Variants in RNF213 observed in about 807,000 individuals in gnomAD.
The protein encoded by RNF213 is ring finger protein 213.
A neutral mutation model predicts 514.4 loss-of-function variants in RNF213; 341 were observed. The observed-to-expected ratio is 0.66, with a 90% CI of 0.61 to 0.73. The LOEUF is 0.73. Among genes scored for constraint, RNF213 ranks in the 30% least tolerant of loss-of-function variants. The pLI is 0.00. For synonymous variants in RNF213, 2,655 were observed against 2,658.2 expected (o/e 1.00, Z 0.04); for missense variants, 5,767 against 6,615.6 (o/e 0.87, Z 4.45).
At chr17:80,368,450 T>TTTTTA (rs2079370433) in intron 44 of RNF213, among the ~76,000 whole-genome samples, 1 of 151,230 alleles carries the variant, frequency 6.6e-6, no homozygotes, top group African/African-American at 2.4e-5. Flanking sequence ...TTTTTTTTTT[T>TTTTTA]GAGACAGTGT....
chr17:80,272,606 C>T (rs974050901), intron 2 of RNF213, among the ~76,000 whole-genome samples: 3 of 152,310 alleles, frequency 2.0e-5, no homozygotes, highest in East Asian at 1.9e-4. Context: ...CAGACCTCCC[C>T]GCAGCCCTGC....
At chr17:80,352,706 G>A (rs1487349092) in intron 32 of RNF213, 4 of 663,738 alleles carry the variant, frequency 6.0e-6, no homozygotes, top group Admixed American at 2.1e-5. Context: ...GCCATTGCAG[G>A]TCTTACCGTT....
At chr17:80,290,415 GT>G (rs1568019133) in intron 6 of RNF213, among the ~76,000 whole-genome samples, 154 bp from the exon 7 acceptor site, 3 of 90,152 alleles carry the variant, frequency 3.3e-5, no homozygotes, top group Non-Finnish European at 6.9e-5. Context: ...GTGTGTGTGC[GT>G]GTGTGCGAGT....
At chr17:80,336,020 C>T (rs2077978814) in intron 22 of RNF213, 141 bp from the exon 23 acceptor site, 1 of 647,922 alleles carries the variant, frequency 1.5e-6, no homozygotes, top group Non-Finnish European at 2.6e-6. Flanking sequence ...GTTCCGGACT[C>T]TTACTGAAAG....
chr17:80,340,541 A>G, intron 26 of RNF213, 185 bp downstream of exon 26: 1 of 604,140 alleles, frequency 1.7e-6, no homozygotes, highest in Non-Finnish European at 2.9e-6. Flanking sequence ...GGTCTCCCAC[A>G]ATGGGTATTC....
intron 29 of RNF213, 117 bp from the exon 30 acceptor site, chr17:80,349,653 T>G (rs1335917631): frequency 1.1e-5 from 13 of 1,141,360 alleles, no homozygotes; most frequent in Non-Finnish European, 1.7e-5. Context: ...TGTGCCGTTG[T>G]GTGGCAACTG....
At chr17:80,266,221 C>T (rs527239020) in intron 2 of RNF213, among the ~76,000 whole-genome samples, 3 of 150,728 alleles carry the variant, frequency 2.0e-5, no homozygotes, top group Admixed American at 2.0e-4. Flanking sequence ...GTGAGTAGAT[C>T]GCTTGAGCCC....
chr17:80,276,085 A>G (rs572450404), intron 3 of RNF213, among the ~76,000 whole-genome samples: 6 of 144,442 alleles, frequency 4.2e-5, no homozygotes, highest in Admixed American at 2.1e-4. Flanking sequence ...TTATTTATTT[A>G]TTTTTTGTTT....
In RNF213 at chr17:80,346,642, G is replaced by A. The variant is rs1171369315; in HGVS notation, c.8307G>A (p.Gly2769=). The A allele has an allele frequency of 1.2e-6, 2 of 1,612,422 alleles. No homozygotes were observed. Among genetic ancestry groups the A allele is most frequent in the Non-Finnish European group, 8.5e-7 (1 of 1,180,022 alleles). The change falls in exon 29 of 68, where the codon GGG becomes GGA. Residue 2769 remains glycine (G), a synonymous_variant. Coordinates refer to ENST00000582970, the MANE Select transcript of RNF213 (RefSeq NM_001256071.3). This position sits in a 1 kb window ranked among gnomAD's most constrained non-coding sequence, Gnocchi z 8.1. ...TGAAGATTCCCCTCTTCCTGGTGGG[G>A]AAGCCCGGCAGCTCCAAGTCTCTCG... The part of the protein sequence containing the change: ...IELKIPLFLV[G]KPGSSKSLAK...
intron 64 of RNF213, 36 bp from the exon 65 acceptor site, chr17:80,389,136 GC>G: frequency 6.2e-7 from 1 of 1,602,110 alleles, no homozygotes; most frequent in Non-Finnish European, 8.6e-7. Context: ...CAGAAACCCA[GC>G]CCACAGACAT....
rs376634963 is a variant in RNF213, at chr17:80,323,836, G to GCA, written c.3025-1194_3025-1193insCA. 2.9e-3 allele frequency among the ~76,000 whole-genome samples: 270 copies of GCA among 91,934 alleles called. 5 individuals are homozygous for GCA. The highest frequency in any genetic ancestry group is 3.2e-4 in the Non-Finnish European group (11 of 34,260). 60.3% of individuals were successfully genotyped at this position (91,934 alleles called of 152,430 possible). A position where few individuals can be genotyped will look rare whatever the true frequency, so the allele number is the denominator to read the frequency against. On this transcript the variant is annotated intron_variant, in intron 17 of 67. Transcript: ENST00000582970. ...TTAAATTTCTAAGTACTTTTTTTTG[G>GCA]GGGGGGGTGCTATTGTAATTGGAAT...
At chr17:80,334,013 G>C in intron 21 of RNF213, 92 bp from the exon 22 acceptor site, 1 of 1,444,410 alleles carries the variant, frequency 6.9e-7, no homozygotes, top group Non-Finnish European at 9.4e-7. Flanking sequence ...TTGAGGGAGG[G>C]TGGGGCTGCT....
chr17:80,342,749 TG>T (rs2078196434), intron 26 of RNF213, among the ~76,000 whole-genome samples: 1 of 146,434 alleles, frequency 6.8e-6, no homozygotes, highest in African/African-American at 2.5e-5. Context: ...ATATATTGTA[TG>T]TATATATATA....
chr17:80,319,257 G>C lies in RNF213; in HGVS notation c.2969G>C (p.Ser990Thr), dbSNP rs1354748198. The change falls in exon 17 of 68, where the codon AGT becomes ACT. Residue 990 changes from serine (S) to threonine (T), a missense_variant. Physicochemically the swap from Ser to Thr is moderately conservative, Grantham distance 58. Transcript: ENST00000582970. ...TGGGACACCAAAGGCTTAGAGGACA[G>C]TGTGGCCAAGACCTTCGAGAAATGC... ...SCWDTKGLED[S>T]VAKTFEKCII... The C allele has an allele frequency of 6.2e-7, 1 of 1,614,100 alleles. No homozygotes were observed. Among genetic ancestry groups the C allele is most frequent in the South Asian group, 1.1e-5 (1 of 91,088 alleles).
intron 22 of RNF213, among the ~76,000 whole-genome samples, chr17:80,335,462 A>T (rs1370094195): frequency 6.6e-6 from 1 of 152,160 alleles, no homozygotes; most frequent in Non-Finnish European, 1.5e-5. Context: ...TCTCTGGTCC[A>T]CACTGATGCA....
chr17:80,346,822 G>A lies in RNF213; in HGVS notation c.8487G>A (p.Gln2829=), dbSNP rs2078328521. 1.9e-6 allele frequency: 3 copies of A among 1,613,990 alleles called. No homozygotes were observed. Among genetic ancestry groups the A allele is most frequent in the Admixed American group, 1.7e-5 (1 of 60,002 alleles). ...ISTFRQCARF[Q]QGKDLQQYVS... Reference sequence around the variant, plus strand: ...CCTTCCGGCAGTGCGCCCGCTTTCAGCAGGGGAAGGACCTGCAGCAGTACG... The same window carrying A: ...CCTTCCGGCAGTGCGCCCGCTTTCAACAGGGGAAGGACCTGCAGCAGTACG... Residue 2829 remains glutamine, a synonymous_variant, in exon 29 of 68, where the codon CAG becomes CAA. Coordinates refer to ENST00000582970, the MANE Select transcript of RNF213 (RefSeq NM_001256071.3). The surrounding 1 kb of genome is among the most constrained non-coding windows in gnomAD (Gnocchi z 8.1).
At chr17:80,366,581 GTTGA>G (rs1051903318) in intron 42 of RNF213, among the ~76,000 whole-genome samples, 1 of 151,960 alleles carries the variant, frequency 6.6e-6, no homozygotes, top group Non-Finnish European at 1.5e-5. Flanking sequence ...GAATTGGGTT[GTTGA>G]TTAACAAAGT....
intron 42 of RNF213, chr17:80,364,963 G>A (rs2079202834): frequency 1.0e-5 from 3 of 300,976 alleles, no homozygotes; most frequent in East Asian, 8.7e-5. Flanking sequence ...ACCGGGGTTT[G>A]GGGTCTTCAA....
In RNF213 at chr17:80,398,691, G is replaced by A. The variant is rs955101522; in HGVS notation, c.*5193G>A. The A allele has an allele frequency of 7.0e-6, 1 of 143,324 alleles. No homozygotes were observed. The highest frequency in any genetic ancestry group is 2.6e-5 in the African/African-American group (1 of 38,254). 8.9% of individuals were successfully genotyped at this position (143,324 alleles called of 1,614,324 possible). On this transcript the variant is annotated 3_prime_UTR_variant, in exon 68 of 68. Transcript: ENST00000582970. ...AGACCAGCAGAGAGAGAAAGAGGAAGAGACAGACAAAGAGGGAGTCAGAGA... is the reference window on the plus strand; with the variant it reads ...AGACCAGCAGAGAGAGAAAGAGGAAAAGACAGACAAAGAGGGAGTCAGAGA...
Sources: allele counts gnomAD v4.1 joint callset (sites outside exome capture counted in the v4.1 genomes callset), GRCh38; gene constraint gnomAD v4.1.1; non-coding constraint Gnocchi (gnomAD v3.1); transcripts MANE v1.5; gene names NCBI Gene and HGNC (gene_info 2026-07-23, HGNC 2026-07-21).